DLG2: variants seen among roughly 807,000 people sequenced by gnomAD.
The protein encoded by DLG2 is discs large MAGUK scaffold protein 2, also known as disks large homolog 2.
Under a neutral mutation model 132.5 loss-of-function variants are expected in DLG2, and 45 were observed. That is an observed-to-expected ratio of 0.34 (90% confidence interval 0.27 to 0.44). The LOEUF (loss-of-function observed/expected upper bound fraction) is 0.44. Among genes scored for constraint, DLG2 ranks in the 20% least tolerant of loss-of-function variants. DLG2 has a pLI of 1.00. For synonymous variants in DLG2, 424 were observed against 419.6 expected (o/e 1.01, Z -0.13); for missense variants, 1,045 against 1,196.9 (o/e 0.87, Z 1.87).
At chr11:85,053,750 T>C (rs965751912) in intron 6 of DLG2, among the ~76,000 whole-genome samples, 1 of 127,802 alleles carries the variant, frequency 7.8e-6, no homozygotes, top group African/African-American at 3.1e-5. Flanking sequence ...TGAACCGAGA[T>C]GGTGCCACTG....
intron 15 of DLG2, 105 bp from the exon 16 acceptor site, chr11:83,874,593 TA>T: frequency 1.3e-6 from 1 of 758,712 alleles, no homozygotes; most frequent in Non-Finnish European, 2.0e-6. Context: ...ACGTGCAGGT[TA>T]GTTACATATG....
At chr11:84,805,672 G>A (rs1196303432) in intron 6 of DLG2, among the ~76,000 whole-genome samples, 1 of 152,142 alleles carries the variant, frequency 6.6e-6, no homozygotes, top group Non-Finnish European at 1.5e-5. Context: ...TCCTTTGCCT[G>A]TCACAGTGAT....
At chr11:85,170,598 G>A (rs1471591043) in intron 4 of DLG2, among the ~76,000 whole-genome samples, 1 of 152,130 alleles carries the variant, frequency 6.6e-6, no homozygotes, top group East Asian at 1.9e-4. Flanking sequence ...ATCATGTTCT[G>A]AGCCCAACAC....
chr11:85,306,416 T>C (rs1341096738), intron 3 of DLG2, among the ~76,000 whole-genome samples: 1 of 152,178 alleles, frequency 6.6e-6, no homozygotes, highest in African/African-American at 2.4e-5. Context: ...GTATTAAAAA[T>C]ACATAGCTGG....
chr11:83,722,583 GT>G (rs1339128451), intron 18 of DLG2, among the ~76,000 whole-genome samples: 1 of 152,176 alleles, frequency 6.6e-6, no homozygotes, highest in Non-Finnish European at 1.5e-5. Context: ...CTCCAGGCTG[GT>G]TTTTAAACTG....
In DLG2 at chr11:83,510,264, A is replaced by AC. The variant is rs569027717; in HGVS notation, c.2193+22443dup. ...CAGATAGGAGAGGGTATTCAGCTTT[A>AC]CCCCCTTGGATGTTGACTCAGTTTC... On this transcript the variant is annotated intron_variant, in intron 21 of 27. Transcript: ENST00000376104. Among the ~76,000 whole-genome samples the AC allele has an allele frequency of 1.3e-3, 178 of 138,228 alleles. 1 individual carries two copies. The highest frequency in any genetic ancestry group is 0.012 in the South Asian group (46 of 3,770). 90.7% of individuals were successfully genotyped at this position (138,228 alleles called of 152,430 possible).
intron 10 of DLG2, among the ~76,000 whole-genome samples, chr11:84,063,457 C>T (rs4944462): frequency 0.79 from 120,805 of 151,964 alleles, 49,244 homozygotes; most frequent in Middle Eastern, 0.92. Context: ...AAAAGTAAAA[C>T]AATATTTAGT....
At chr11:84,074,810 G>C (rs539338950) in intron 10 of DLG2, among the ~76,000 whole-genome samples, 13 of 151,952 alleles carry the variant, frequency 8.6e-5, no homozygotes, top group Non-Finnish European at 1.6e-4. Flanking sequence ...TTACAGGCTT[G>C]AGCCACCGCG....
chr11:84,991,621 A>G (rs1376042002), intron 6 of DLG2, among the ~76,000 whole-genome samples: 1 of 152,116 alleles, frequency 6.6e-6, no homozygotes, highest in East Asian at 1.9e-4. Context: ...ATTGCTATAA[A>G]AGGACAACAT....
intron 6 of DLG2, among the ~76,000 whole-genome samples, chr11:84,975,178 C>T (rs1333136269): frequency 3.3e-5 from 5 of 152,138 alleles, no homozygotes; most frequent in Non-Finnish European, 5.9e-5. Flanking sequence ...CCTTAAGTGG[C>T]AGACTACTAT....
intron 8 of DLG2, among the ~76,000 whole-genome samples, chr11:84,196,406 G>A (rs552416701): frequency 6.6e-6 from 1 of 152,298 alleles, no homozygotes; most frequent in African/African-American, 2.4e-5. Context: ...GTGAGAAAGT[G>A]TTGAGCGGCC....
chr11:85,492,756 C>A (rs1407838365), intron 3 of DLG2, among the ~76,000 whole-genome samples: 1 of 145,692 alleles, frequency 6.9e-6, no homozygotes, highest in African/African-American at 2.8e-5. Flanking sequence ...CATGGAGTGT[C>A]CCTAGGGAGG....
intron 7 of DLG2, among the ~76,000 whole-genome samples, chr11:84,486,409 C>T (rs1567758285): frequency 6.6e-6 from 1 of 151,954 alleles, no homozygotes. Context: ...AAGTTGGAGC[C>T]CTCTTTGAGC....
intron 7 of DLG2, among the ~76,000 whole-genome samples, chr11:84,435,092 C>A (rs988166119): frequency 6.6e-6 from 1 of 152,016 alleles, no homozygotes; most frequent in East Asian, 1.9e-4. Context: ...TATACATCTT[C>A]TTCCATCTGT....
chr11:83,480,624 T>C, intron 22 of DLG2: 1 of 1,557,440 alleles, frequency 6.4e-7, no homozygotes, highest in South Asian at 1.2e-5. Context: ...TTGCTGTTTC[T>C]TCTTTTTAGC....
At chr11:83,608,527 C>T (rs940174348) in intron 19 of DLG2, among the ~76,000 whole-genome samples, 5 of 151,992 alleles carry the variant, frequency 3.3e-5, no homozygotes, top group African/African-American at 7.2e-5. Flanking sequence ...TGTTGATTAT[C>T]TCATGTAATT....
At chr11:84,383,250 C>G (rs974462569) in intron 7 of DLG2, among the ~76,000 whole-genome samples, 2 of 151,916 alleles carry the variant, frequency 1.3e-5, no homozygotes, top group Admixed American at 1.3e-4. Context: ...AGCACGGCGT[C>G]CATTCCCCCG....
At chr11:85,363,484 G>A (rs1046867126) in intron 3 of DLG2, among the ~76,000 whole-genome samples, 1 of 152,174 alleles carries the variant, frequency 6.6e-6, no homozygotes, top group African/African-American at 2.4e-5. Context: ...TAACTATGTT[G>A]TCTAATATTA....
chr11:84,909,771 G>A (rs1043934875), intron 6 of DLG2, among the ~76,000 whole-genome samples: 9 of 152,244 alleles, frequency 5.9e-5, no homozygotes, highest in South Asian at 2.1e-4. Flanking sequence ...TTTTATGTGC[G>A]TTTTTCCTCT....
Sources: gnomAD v4.1 joint callset for allele counts (sites outside exome capture counted in the v4.1 genomes callset) on GRCh38, gnomAD v4.1.1 for gene constraint, MANE v1.5 for transcripts, NCBI Gene and HGNC (gene_info 2026-07-23, HGNC 2026-07-21) for gene names.